The following PEBP4 variants were observed in gnomAD, a reference collection of about 807,000 sequenced individuals.
The protein encoded by PEBP4 is phosphatidylethanolamine binding protein 4, also known as phosphatidylethanolamine-binding protein 4.
Under a neutral mutation model 23.9 loss-of-function variants are expected in PEBP4, and 22 were observed. That is an observed-to-expected ratio of 0.92 (90% confidence interval 0.66 to 1.31). The LOEUF is 1.31. Ranked by LOEUF, PEBP4 falls within the 40% of genes most tolerant of loss-of-function variation. The probability of loss-of-function intolerance (pLI) is 0.00; values close to 1 mark genes in which losing one functional copy is unlikely to be tolerated. For synonymous variants in PEBP4, 112 were observed against 99.3 expected, an observed-to-expected ratio of 1.13 and a Z score of -0.76; for missense variants, 324 against 281.7, an observed-to-expected ratio of 1.15 and a Z score of -1.07.
intron 3 of PEBP4, among the ~76,000 whole-genome samples, chr8:22,851,872 T>C (rs1807558895): frequency 6.6e-6 from 1 of 152,132 alleles, no homozygotes; most frequent in African/African-American, 2.4e-5. Context: ...AGGAGCCTTC[T>C]CAGCCCAAGG....
chr8:22,776,312 G>A (rs1194488684), intron 4 of PEBP4, among the ~76,000 whole-genome samples: 8 of 152,232 alleles, frequency 5.3e-5, no homozygotes, highest in Admixed American at 2.0e-4. Flanking sequence ...ATGAGATTTG[G>A]CAGAAAACAT....
In PEBP4 at chr8:22,865,126, C is replaced by T. The variant is rs1354055244; in HGVS notation, c.259-47391G>A. Among the ~76,000 whole-genome samples, 1 of 150,604 alleles carries T rather than the reference C, an allele frequency of 6.6e-6. No individual in the cohort carries two copies. Among genetic ancestry groups the T allele is most frequent in the African/African-American group, 2.4e-5 (1 of 40,924 alleles). On this transcript the variant is annotated intron_variant, in intron 3 of 6. Coordinates refer to ENST00000256404, the MANE Select transcript of PEBP4 (RefSeq NM_144962.3). The surrounding 1 kb of genome is among the most constrained non-coding windows in gnomAD (Gnocchi z 6.9). The stretch of plus-strand genomic sequence containing the variant: ...GTGGGGGTAGACAGAAGGGCTGGGG[C>T]GGCCCGGGGAAGAACCAGTGCTGGA...
At chr8:22,741,758 G>T (rs899127989) in intron 4 of PEBP4, among the ~76,000 whole-genome samples, 1 of 152,194 alleles carries the variant, frequency 6.6e-6, no homozygotes, top group Non-Finnish European at 1.5e-5. Flanking sequence ...CCGTCCCCCC[G>T]GCAGGCAGGA....
At chr8:22,739,058 GACAA>G (rs934349136) in intron 4 of PEBP4, among the ~76,000 whole-genome samples, 1 of 152,134 alleles carries the variant, frequency 6.6e-6, no homozygotes, top group African/African-American at 2.4e-5. Context: ...AGGGGGCCAG[GACAA>G]ACAGACAACT....
intron 3 of PEBP4, among the ~76,000 whole-genome samples, chr8:22,848,970 G>C (rs924198359): frequency 6.6e-6 from 1 of 152,188 alleles, no homozygotes; most frequent in Non-Finnish European, 1.5e-5. Context: ...GAGTCCAGTG[G>C]CAGGAATCTG....
intron 4 of PEBP4, among the ~76,000 whole-genome samples, chr8:22,737,833 G>GT (rs1804900450): frequency 4.6e-5 from 7 of 152,344 alleles, no homozygotes; most frequent in Admixed American, 3.9e-4. Context: ...TGTTGTGAAG[G>GT]TGCAATTAGG....
At chr8:22,809,187 T>A (rs1806563997) in intron 4 of PEBP4, among the ~76,000 whole-genome samples, 1 of 152,212 alleles carries the variant, frequency 6.6e-6, no homozygotes, top group African/African-American at 2.4e-5. Flanking sequence ...TCACAAATGT[T>A]ATCTCGTTAA....
chr8:22,767,677 C>T (rs1015765921), intron 4 of PEBP4, among the ~76,000 whole-genome samples: 20 of 152,062 alleles, frequency 1.3e-4, no homozygotes, highest in Non-Finnish European at 7.4e-5. Flanking sequence ...ATCTTGATCT[C>T]GGTGGTGGTT....
chr8:22,753,357 A>G (rs916049717), intron 4 of PEBP4, among the ~76,000 whole-genome samples: 4 of 152,200 alleles, frequency 2.6e-5, no homozygotes, highest in African/African-American at 9.7e-5. Flanking sequence ...CCCACCTTCC[A>G]GCATCGAAAC....
chr8:22,864,230 GA>G (rs773421400), intron 3 of PEBP4, among the ~76,000 whole-genome samples: 3 of 152,316 alleles, frequency 2.0e-5, no homozygotes, highest in Admixed American at 1.3e-4. Flanking sequence ...CACCTTACTT[GA>G]TTATAAACAG....
At chr8:22,778,066 T>C (rs1805849675) in intron 4 of PEBP4, among the ~76,000 whole-genome samples, 1 of 152,042 alleles carries the variant, frequency 6.6e-6, no homozygotes, top group Non-Finnish European at 1.5e-5. Context: ...GCCATCACGG[T>C]TCCCTTCCTG....
intron 3 of PEBP4, among the ~76,000 whole-genome samples, chr8:22,826,449 T>C (rs1806970377): frequency 6.6e-6 from 1 of 152,240 alleles, no homozygotes; most frequent in Non-Finnish European, 1.5e-5. Context: ...GTATATAAGG[T>C]TATTCATTTC....
intron 3 of PEBP4, among the ~76,000 whole-genome samples, chr8:22,825,767 G>A (rs1421602114): frequency 6.6e-6 from 1 of 152,198 alleles, no homozygotes; most frequent in Non-Finnish European, 1.5e-5. Context: ...ATTCACAATA[G>A]CCAGGATGAG....
intron 1 of PEBP4, among the ~76,000 whole-genome samples, chr8:22,939,896 G>A (rs1357902300): frequency 1.3e-5 from 2 of 152,168 alleles, no homozygotes; most frequent in African/African-American, 2.4e-5. Context: ...CAGCTTGTTG[G>A]TCTCAGCAAT....
intron 4 of PEBP4, among the ~76,000 whole-genome samples, chr8:22,728,180 G>A (rs1804655687): frequency 6.6e-6 from 1 of 152,160 alleles, no homozygotes; most frequent in African/African-American, 2.4e-5. Context: ...ATGGGGGAGA[G>A]GTGGGAGGCC....
In PEBP4 at chr8:22,908,396, A is replaced by AC. The variant is rs201932594; in HGVS notation, c.258+11787_258+11788insG. 2.4e-3 allele frequency among the ~76,000 whole-genome samples: 351 copies of AC among 147,894 alleles called. 3 individuals carry two copies. Among genetic ancestry groups the AC allele is most frequent in the South Asian group, 0.01 (48 of 4,768 alleles). On this transcript the variant is annotated intron_variant, in intron 3 of 6. Transcript: ENST00000256404. Reference sequence around the variant, plus strand: ...AACAAACAAACAAACAAACAAACAAAAAAAAAAACCTGTCTAGGAAGAGGC... The same window carrying AC: ...AACAAACAAACAAACAAACAAACAAACAAAAAAAACCTGTCTAGGAAGAGGC...
At chr8:22,817,184 C>G (rs757275740) in intron 4 of PEBP4, among the ~76,000 whole-genome samples, 34 of 152,214 alleles carry the variant, frequency 2.2e-4, no homozygotes, top group Non-Finnish European at 3.5e-4. Context: ...CATGCCCCAT[C>G]ATGGGGAGGA....
chr8:22,877,755 C>T (rs934819823), intron 3 of PEBP4, among the ~76,000 whole-genome samples: 1 of 152,218 alleles, frequency 6.6e-6, no homozygotes, highest in African/African-American at 2.4e-5. Context: ...CAGCTTCTCG[C>T]TGTCGCTCGG....
chr8:22,761,010 C>G (rs760176998), intron 4 of PEBP4, among the ~76,000 whole-genome samples: 1 of 152,140 alleles, frequency 6.6e-6, no homozygotes, highest in South Asian at 2.1e-4. Context: ...GCCTGACTTC[C>G]CAGAGGAAGC....
Sources: gnomAD v4.1 joint callset for allele counts (sites outside exome capture counted in the v4.1 genomes callset) on GRCh38, gnomAD v4.1.1 for gene constraint, Gnocchi (gnomAD v3.1) non-coding constraint, MANE v1.5 for transcripts, NCBI Gene and HGNC (gene_info 2026-07-23, HGNC 2026-07-21) for gene names.